The following RHOT1 variants were observed in gnomAD, a reference collection of about 807,000 sequenced individuals.
The protein encoded by RHOT1 is ras homolog family member T1.
Under a neutral mutation model 95.3 loss-of-function variants are expected in RHOT1, and 27 were observed. The ratio of observed to expected loss-of-function variants is 0.28; its 90% CI spans 0.21 to 0.39. RHOT1 has a LOEUF of 0.39. Ranked by LOEUF, RHOT1 falls within the 10% of genes least tolerant of loss-of-function variation. RHOT1 has a pLI of 1.00. For missense variants in RHOT1, 578 were observed against 786.7 expected (o/e 0.73, Z 3.17); for synonymous variants, 227 against 263.5 (o/e 0.86, Z 1.34).
At chr17:32,143,433 C>T (rs1335559118) in intron 1 of RHOT1, among the ~76,000 whole-genome samples, 1 of 152,172 alleles carries the variant, frequency 6.6e-6, no homozygotes, top group African/African-American at 2.4e-5. Flanking sequence ...TGCAAGCGCT[C>T]AATGAATTAG....
intron 19 of RHOT1, among the ~76,000 whole-genome samples, chr17:32,215,493 C>A (rs142787617): frequency 5.3e-5 from 8 of 152,214 alleles, no homozygotes; most frequent in African/African-American, 1.9e-4. Flanking sequence ...TATATGGAAC[C>A]TGCCTTTAAG....
chr17:32,207,069 T>C (rs1390639895), intron 17 of RHOT1, 40 bp downstream of exon 17: 5 of 1,560,624 alleles, frequency 3.2e-6, no homozygotes, highest in East Asian at 2.3e-5. Flanking sequence ...TGTAACTTCA[T>C]ATGGACTTTT....
chr17:32,155,724 T>C (rs2032902957), intron 1 of RHOT1, among the ~76,000 whole-genome samples: 1 of 151,996 alleles, frequency 6.6e-6, no homozygotes, highest in Non-Finnish European at 1.5e-5. Flanking sequence ...TTATTTTCTG[T>C]AGACATAGGG....
At position 32,211,240 on chromosome 17, in the gene RHOT1, T is replaced by C; in HGVS notation, c.1862+2T>C. 1 of 1,598,074 alleles carries C rather than the reference T, an allele frequency of 6.3e-7. No homozygotes were observed. The highest frequency in any genetic ancestry group is 8.6e-7 in the Non-Finnish European group (1 of 1,169,170). On this transcript the variant is annotated splice_donor_variant, in intron 19 of 19. Coordinates refer to ENST00000545287, the MANE Select transcript of RHOT1 (RefSeq NM_001033566.3). LOFTEE classifies it high-confidence loss of function. ...AATCTTCACTGCAGTTCTTAACAGG[T>C]TCTTAACTTTATTTACTGGGTACCA...
intron 19 of RHOT1, 99 bp from the exon 20 acceptor site, chr17:32,224,517 A>G: frequency 4.3e-6 from 3 of 701,090 alleles, no homozygotes; most frequent in Middle Eastern, 2.8e-4. Context: ...TAGCTTGACA[A>G]GTGTGCTAAT....
At chr17:32,153,708 G>GA (rs1447572236) in intron 1 of RHOT1, among the ~76,000 whole-genome samples, 1 of 152,150 alleles carries the variant, frequency 6.6e-6, no homozygotes, top group East Asian at 1.9e-4. Context: ...AAATGGAAAA[G>GA]TTCCTGGAAA....
chr17:32,215,101 T>C (rs1262385093), intron 19 of RHOT1, among the ~76,000 whole-genome samples: 1 of 151,864 alleles, frequency 6.6e-6, no homozygotes, highest in Non-Finnish European at 1.5e-5. Flanking sequence ...TCGCCATGTC[T>C]CAAACTGGTC....
chr17:32,143,694 A>G (rs1285426453), intron 1 of RHOT1, among the ~76,000 whole-genome samples: 3 of 152,234 alleles, frequency 2.0e-5, no homozygotes, highest in African/African-American at 7.2e-5. Context: ...TCTGCAAGTT[A>G]TGTAACTCAG....
At chr17:32,177,774 C>T (rs1239416457) in intron 6 of RHOT1, among the ~76,000 whole-genome samples, 10 of 148,566 alleles carry the variant, frequency 6.7e-5, no homozygotes, top group African/African-American at 2.5e-4. Flanking sequence ...AAAAAAGAGC[C>T]CCATCGAGCC....
At chr17:32,221,026 A>G in intron 19 of RHOT1, 1 of 965,458 alleles carries the variant, frequency 1.0e-6, no homozygotes, top group Non-Finnish European at 1.2e-6. Flanking sequence ...TTTTGAAAGA[A>G]TTATGCTTTT....
At chr17:32,222,313 A>T (rs1408839573) in intron 19 of RHOT1, among the ~76,000 whole-genome samples, 1 of 152,180 alleles carries the variant, frequency 6.6e-6, no homozygotes, top group East Asian at 1.9e-4. Context: ...ACAGATATAT[A>T]TTTGTAGTTT....
Position 32,192,218 on chromosome 17 carries a change from A to T in RHOT1, c.558A>T (p.Ile186=). 6.5e-7 allele frequency: 1 copy of T among 1,528,104 alleles called. No homozygotes were observed. The allele number at this position is 1,528,104 out of a possible 1,614,324, so 94.7% of individuals were successfully genotyped here. ...ATTTATAGATGAAACCAGCTTGTAT[A>T]AAAGCCCTTACTCGTATATTTAAAA... ...PEEKEMKPAC[I]KALTRIFKIS... Residue 186 remains isoleucine (I), a synonymous_variant, in exon 9 of 20, where the codon ATA becomes ATT. Transcript: ENST00000545287.
intron 8 of RHOT1, among the ~76,000 whole-genome samples, chr17:32,191,734 G>A (rs186831099): frequency 1.1e-4 from 16 of 152,184 alleles, no homozygotes; most frequent in South Asian, 2.1e-4. Flanking sequence ...GTGAATAAGC[G>A]TATTTTATTT....
chr17:32,211,566 T>G, intron 19 of RHOT1: 1 of 176,268 alleles, frequency 5.7e-6, no homozygotes, highest in Non-Finnish European at 1.2e-5. Flanking sequence ...TTAGGACTTT[T>G]GTAGTAAAGA....
intron 14 of RHOT1, among the ~76,000 whole-genome samples, chr17:32,201,544 A>G (rs1279955255): frequency 1.3e-5 from 2 of 152,196 alleles, no homozygotes; most frequent in Non-Finnish European, 2.9e-5. Flanking sequence ...AATCTGCCAT[A>G]TCTTATGGGA....
intron 1 of RHOT1, among the ~76,000 whole-genome samples, chr17:32,169,870 G>A (rs980534639): frequency 3.9e-5 from 6 of 151,976 alleles, no homozygotes; most frequent in South Asian, 2.1e-4. Context: ...TTAGCTGGTT[G>A]TAGTGGCATC....
At chr17:32,175,485 T>C (rs1031162308) in intron 4 of RHOT1, 123 bp downstream of exon 4, 7 of 958,184 alleles carry the variant, frequency 7.3e-6, no homozygotes, top group Non-Finnish European at 1.0e-5. Context: ...CGTGTTTCAC[T>C]CTGTCACCCA....
chr17:32,211,302 A>G (rs761160798), intron 19 of RHOT1, 64 bp downstream of exon 19: 3 of 1,466,632 alleles, frequency 2.0e-6, no homozygotes, highest in Admixed American at 4.1e-5. Flanking sequence ...AAAGCGGATA[A>G]CTATTTATTA....
intron 16 of RHOT1, among the ~76,000 whole-genome samples, chr17:32,206,396 ATT>A (rs1357181219): frequency 9.5e-6 from 1 of 105,076 alleles, no homozygotes; most frequent in Non-Finnish European, 1.9e-5. Flanking sequence ...CTTAATCACC[ATT>A]TTTAGTCTGC....
Sources: gnomAD v4.1 joint callset for allele counts (sites outside exome capture counted in the v4.1 genomes callset) on GRCh38, gnomAD v4.1.1 for gene constraint, MANE v1.5 for transcripts, NCBI Gene and HGNC (gene_info 2026-07-23, HGNC 2026-07-21) for gene names.